Variants in OPCML observed in about 807,000 individuals in gnomAD.
OPCML encodes the protein opioid-binding protein/cell adhesion molecule.
In OPCML, 13 loss-of-function variants were observed where a neutral mutation model predicts 37.8. The observed-to-expected ratio is 0.34, with a 90% CI of 0.22 to 0.55. OPCML has a LOEUF of 0.55. Ranked by LOEUF, OPCML falls within the 20% of genes least tolerant of loss-of-function variation. The pLI is 0.91. For missense variants in OPCML, 341 were observed against 435.6 expected, an observed-to-expected ratio of 0.78 and a Z score of 1.93; for synonymous variants, 176 against 168.8, an observed-to-expected ratio of 1.04 and a Z score of -0.33.
At chr11:132,901,677 C>T (rs1333388086) in intron 2 of OPCML, among the ~76,000 whole-genome samples, 2 of 152,158 alleles carry the variant, frequency 1.3e-5, no homozygotes, top group Admixed American at 6.5e-5. Context: ...GAGATGGGCA[C>T]GGTGCGTCCT....
rs148375684 is a variant in OPCML, at chr11:132,521,220, A to G, written c.505+7841T>C. On this transcript the variant is annotated intron_variant, in intron 4 of 7. Transcript: ENST00000524381. Reference sequence around the variant, plus strand: ...TCATATCCTTTGCCCACTTTTTGATAGGACTGTTTTTTTATCTTGTAAATT... The same window carrying G: ...TCATATCCTTTGCCCACTTTTTGATGGGACTGTTTTTTTATCTTGTAAATT... 1.6e-3 allele frequency among the ~76,000 whole-genome samples: 247 copies of G among 152,104 alleles called. 1 individual carries two copies. The highest frequency in any genetic ancestry group is 5.0e-3 in the African/African-American group (209 of 41,500).
At chr11:133,192,154 T>C (rs1938350471) in intron 1 of OPCML, among the ~76,000 whole-genome samples, 1 of 152,202 alleles carries the variant, frequency 6.6e-6, no homozygotes, top group Non-Finnish European at 1.5e-5. Context: ...TGCTTGTCTT[T>C]GTTCGTTTAG....
chr11:132,869,785 T>C (rs903095186), intron 2 of OPCML, among the ~76,000 whole-genome samples: 3 of 152,174 alleles, frequency 2.0e-5, no homozygotes, highest in African/African-American at 7.2e-5. Flanking sequence ...TGGGCCTCAG[T>C]GCATATGGGC....
intron 1 of OPCML, among the ~76,000 whole-genome samples, chr11:133,103,607 A>T (rs1441679553): frequency 6.6e-6 from 1 of 152,230 alleles, no homozygotes; most frequent in Non-Finnish European, 1.5e-5. Flanking sequence ...AGACATTTTT[A>T]AGCTTCTATT....
intron 2 of OPCML, among the ~76,000 whole-genome samples, chr11:132,670,748 T>C (rs1942438534): frequency 6.6e-6 from 1 of 152,212 alleles, no homozygotes; most frequent in Non-Finnish European, 1.5e-5. Flanking sequence ...TTTTTAGCAC[T>C]GTTGCCACAG....
chr11:132,806,714 A>G (rs1939031399), intron 2 of OPCML, among the ~76,000 whole-genome samples: 1 of 152,188 alleles, frequency 6.6e-6, no homozygotes, highest in Non-Finnish European at 1.5e-5. Flanking sequence ...AAATATGAGG[A>G]AGAAAATGTA....
intron 1 of OPCML, among the ~76,000 whole-genome samples, chr11:133,397,078 T>C (rs747138062): frequency 1.3e-5 from 2 of 152,210 alleles, no homozygotes; most frequent in South Asian, 2.1e-4. Flanking sequence ...TTCTGGATGA[T>C]TTTCCTGGCA....
intron 3 of OPCML, among the ~76,000 whole-genome samples, chr11:132,615,733 G>A (rs1003727313): frequency 5.9e-5 from 9 of 152,230 alleles, no homozygotes; most frequent in South Asian, 2.1e-4. Context: ...CATTGATACC[G>A]AGAAATGACC....
At chr11:132,984,285 C>T (rs1380061770) in intron 1 of OPCML, among the ~76,000 whole-genome samples, 4 of 151,978 alleles carry the variant, frequency 2.6e-5, no homozygotes, top group African/African-American at 7.3e-5. Flanking sequence ...TATAACTACT[C>T]GATAATTATT....
intron 1 of OPCML, among the ~76,000 whole-genome samples, chr11:133,464,142 A>G (rs1565649095): frequency 6.6e-6 from 1 of 152,186 alleles, no homozygotes; most frequent in Non-Finnish European, 1.5e-5. Flanking sequence ...TTCCTCAGTC[A>G]TCAACTTAAT....
chr11:132,785,983 C>A (rs375122847), intron 2 of OPCML, among the ~76,000 whole-genome samples: 1 of 152,148 alleles, frequency 6.6e-6, no homozygotes, highest in Admixed American at 6.5e-5. Context: ...CTGGGTTTTG[C>A]GGGCAGCCTG....
At chr11:132,953,268 G>A (rs939934264) in intron 1 of OPCML, among the ~76,000 whole-genome samples, 1 of 152,100 alleles carries the variant, frequency 6.6e-6, no homozygotes, top group East Asian at 1.9e-4. Context: ...TTTGCTGCAC[G>A]AGAGAACTGA....
At chr11:132,828,233 G>A (rs940745748) in intron 2 of OPCML, among the ~76,000 whole-genome samples, 1 of 152,192 alleles carries the variant, frequency 6.6e-6, no homozygotes, top group African/African-American at 2.4e-5. Flanking sequence ...TGGAGTTGGG[G>A]TGGGGGCAGG....
chr11:132,952,720 T>C (rs1945887151), intron 1 of OPCML, among the ~76,000 whole-genome samples: 1 of 152,082 alleles, frequency 6.6e-6, no homozygotes, highest in Admixed American at 6.6e-5. Flanking sequence ...TCCTCTGAGT[T>C]TGTGTACCCT....
chr11:133,150,078 A>G (rs1436682116), intron 1 of OPCML, among the ~76,000 whole-genome samples: 3 of 152,244 alleles, frequency 2.0e-5, no homozygotes, highest in Non-Finnish European at 4.4e-5. Context: ...GGCCAGGCCC[A>G]GGCCACAGCA....
intron 1 of OPCML, among the ~76,000 whole-genome samples, chr11:133,171,790 TG>T (rs1367925539): frequency 6.6e-6 from 1 of 152,004 alleles, no homozygotes; most frequent in Non-Finnish European, 1.5e-5. Flanking sequence ...CAGCAAAGGG[TG>T]GGGGCTGGAA....
At chr11:133,294,451 T>C (rs949021061) in intron 1 of OPCML, among the ~76,000 whole-genome samples, 2 of 152,122 alleles carry the variant, frequency 1.3e-5, no homozygotes, top group Non-Finnish European at 2.9e-5. Context: ...GTGGACCAAG[T>C]TGATAAGTTA....
intron 1 of OPCML, among the ~76,000 whole-genome samples, chr11:133,359,329 C>T (rs117577459): frequency 0.031 from 4,709 of 152,220 alleles, 118 homozygotes; most frequent in Non-Finnish European, 0.043. Context: ...TCAGGGGTAC[C>T]TTTCCATTCT....
rs141082224 is a variant in OPCML, at chr11:133,286,836, C to A, written c.61+245428G>T. ...ATGCTGGATAAATAATAATTGCATA[C>A]ATGAACCGGTCAATCATTATTTGTC... On this transcript the variant is annotated intron_variant, in intron 1 of 7. Transcript: ENST00000524381. Among the ~76,000 whole-genome samples, 227 of 152,314 alleles carry A rather than the reference C, an allele frequency of 1.5e-3. 5 individuals carry two copies. The highest frequency in any genetic ancestry group is 0.01 in the Middle Eastern group (3 of 294).
Sources: allele counts gnomAD v4.1 joint callset (sites outside exome capture counted in the v4.1 genomes callset), GRCh38; gene constraint gnomAD v4.1.1; transcripts MANE v1.5; gene names NCBI Gene and HGNC (gene_info 2026-07-23, HGNC 2026-07-21).